Variants in KCTD16 observed in about 807,000 individuals in gnomAD.
The protein encoded by KCTD16 is BTB/POZ domain-containing protein KCTD16.
A neutral mutation model predicts 33.2 loss-of-function variants in KCTD16; 13 were observed. The observed-to-expected ratio is 0.39, with a 90% confidence interval of 0.25 to 0.62. The LOEUF (loss-of-function observed/expected upper bound fraction) is 0.62. Among genes scored for constraint, KCTD16 ranks in the 20% least tolerant of loss-of-function variants. The probability of loss-of-function intolerance (pLI) is 0.50; values close to 1 mark genes in which losing one functional copy is unlikely to be tolerated. For missense variants in KCTD16, 441 were observed against 525.1 expected (o/e 0.84, Z 1.57); for synonymous variants, 197 against 195.3 (o/e 1.01, Z -0.07).
intron 3 of KCTD16, among the ~76,000 whole-genome samples, chr5:144,302,969 A>G (rs1751484653): frequency 6.6e-6 from 1 of 152,216 alleles, no homozygotes; most frequent in Non-Finnish European, 1.5e-5. Flanking sequence ...ATTGTGGAAT[A>G]TGGAAATCAT....
intron 3 of KCTD16, among the ~76,000 whole-genome samples, chr5:144,402,694 T>C (rs1218897163): frequency 6.6e-6 from 1 of 152,214 alleles, no homozygotes; most frequent in Non-Finnish European, 1.5e-5. Context: ...TCTGGCATGA[T>C]TTCAATGTTA....
At chr5:144,242,989 G>C (rs867558614) in intron 3 of KCTD16, among the ~76,000 whole-genome samples, 6 of 152,162 alleles carry the variant, frequency 3.9e-5, no homozygotes, top group Non-Finnish European at 8.8e-5. Context: ...TTCAGGTTTA[G>C]TTTTTACCTA....
At chr5:144,189,616 G>A (rs1469869234) in intron 2 of KCTD16, among the ~76,000 whole-genome samples, 1 of 152,166 alleles carries the variant, frequency 6.6e-6, no homozygotes, top group East Asian at 1.9e-4. Flanking sequence ...GTTAAGAATG[G>A]AGGCTTAAAG....
At chr5:144,323,846 A>G (rs1251403317) in intron 3 of KCTD16, among the ~76,000 whole-genome samples, 1 of 152,156 alleles carries the variant, frequency 6.6e-6, no homozygotes, top group Non-Finnish European at 1.5e-5. Context: ...CCTTAGCTCT[A>G]CTGCTTAGCT....
chr5:144,356,456 G>A (rs1751573803), intron 3 of KCTD16, among the ~76,000 whole-genome samples: 1 of 151,872 alleles, frequency 6.6e-6, no homozygotes, highest in African/African-American at 2.4e-5. Flanking sequence ...ATTGTGCAAG[G>A]AGAAAAAGAA....
chr5:144,423,325 T>C (rs939589553), intron 3 of KCTD16, among the ~76,000 whole-genome samples: 12 of 152,284 alleles, frequency 7.9e-5, no homozygotes, highest in African/African-American at 2.6e-4. Flanking sequence ...ATTGGTTTTA[T>C]GCTTTTGAAA....
At chr5:144,374,895 T>G (rs2126926497) in intron 3 of KCTD16, among the ~76,000 whole-genome samples, 1 of 152,350 alleles carries the variant, frequency 6.6e-6, no homozygotes, top group South Asian at 2.1e-4. Context: ...TAGCTTCTAC[T>G]CAGCAAAAAG....
chr5:144,275,049 C>T (rs1353483645), intron 3 of KCTD16, among the ~76,000 whole-genome samples: 2 of 152,170 alleles, frequency 1.3e-5, no homozygotes, highest in Non-Finnish European at 2.9e-5. Context: ...AAATGCAAAT[C>T]GGTCTTCCTA....
intron 3 of KCTD16, among the ~76,000 whole-genome samples, chr5:144,271,074 A>C (rs1268326489): frequency 6.6e-6 from 1 of 152,040 alleles, no homozygotes; most frequent in Non-Finnish European, 1.5e-5. Context: ...CTTTGCTGAT[A>C]CATTCTACCA....
chr5:144,218,754 T>C (rs1753640151), intron 3 of KCTD16, among the ~76,000 whole-genome samples: 1 of 152,206 alleles, frequency 6.6e-6, no homozygotes, highest in African/African-American at 2.4e-5. Flanking sequence ...TGATTTACCT[T>C]GCTAATCTCA....
At chr5:144,201,096 T>A (rs1367317624) in intron 2 of KCTD16, among the ~76,000 whole-genome samples, 1 of 152,190 alleles carries the variant, frequency 6.6e-6, no homozygotes, top group Non-Finnish European at 1.5e-5. Flanking sequence ...AGTTTGTGTG[T>A]GCATTTGCAT....
At chr5:144,198,659 G>T (rs925610230) in intron 2 of KCTD16, among the ~76,000 whole-genome samples, 2 of 152,182 alleles carry the variant, frequency 1.3e-5, no homozygotes, top group Admixed American at 1.3e-4. Flanking sequence ...AAAATGATGT[G>T]ATCTGTTTTG....
At chr5:144,195,103 C>T (rs1752917011) in intron 2 of KCTD16, among the ~76,000 whole-genome samples, 1 of 152,132 alleles carries the variant, frequency 6.6e-6, no homozygotes, top group Admixed American at 6.5e-5. Context: ...TACAGGACTC[C>T]CTGTGTATCT....
intron 3 of KCTD16, among the ~76,000 whole-genome samples, chr5:144,222,182 G>T (rs1483693633): frequency 6.6e-6 from 1 of 152,078 alleles, no homozygotes; most frequent in Non-Finnish European, 1.5e-5. Flanking sequence ...TCAATGGATA[G>T]ATTGCAAAAA....
At chr5:144,437,841 G>A (rs1054931753) in intron 3 of KCTD16, among the ~76,000 whole-genome samples, 4 of 152,150 alleles carry the variant, frequency 2.6e-5, no homozygotes, top group Non-Finnish European at 1.5e-5. Context: ...TAGGACTCAA[G>A]AGAAGGCAGA....
At chr5:144,466,209 C>T (rs1754327895) in intron 3 of KCTD16, among the ~76,000 whole-genome samples, 2 of 148,330 alleles carry the variant, frequency 1.3e-5, no homozygotes, top group South Asian at 4.3e-4. Flanking sequence ...GTAATATTAG[C>T]AAATATTATA....
intron 3 of KCTD16, among the ~76,000 whole-genome samples, chr5:144,403,687 C>T (rs1365891236): frequency 2.0e-5 from 3 of 152,172 alleles, no homozygotes; most frequent in Non-Finnish European, 4.4e-5. Flanking sequence ...ACTAATATAA[C>T]ATGTAAGACA....
At chr5:144,255,527 A>T (rs1754821370) in intron 3 of KCTD16, among the ~76,000 whole-genome samples, 1 of 152,222 alleles carries the variant, frequency 6.6e-6, no homozygotes, top group African/African-American at 2.4e-5. Flanking sequence ...GCATCCTGGT[A>T]GATTTGAAAT....
At chr5:144,416,183 T>C (rs1374962901) in intron 3 of KCTD16, among the ~76,000 whole-genome samples, 1 of 152,210 alleles carries the variant, frequency 6.6e-6, no homozygotes. Context: ...TCTCTCAGTG[T>C]TGTACAAGTA....
Sources: gnomAD v4.1 joint callset for allele counts (sites outside exome capture counted in the v4.1 genomes callset) on GRCh38, gnomAD v4.1.1 for gene constraint, MANE v1.5 for transcripts, NCBI Gene and HGNC (gene_info 2026-07-23, HGNC 2026-07-21) for gene names.